The following ARHGEF28 variants were observed in gnomAD, a reference collection of about 807,000 sequenced individuals.
ARHGEF28 encodes the protein Rho guanine nucleotide exchange factor 28, also known as 190 kDa guanine nucleotide exchange factor.
Under a neutral mutation model 206.6 loss-of-function variants are expected in ARHGEF28, and 152 were observed. The observed-to-expected ratio is 0.74, with a 90% CI of 0.64 to 0.84. The LOEUF is 0.84. ARHGEF28 is among the 40% of genes least tolerant of loss of function. The pLI is 0.00. For missense variants in ARHGEF28, 2,028 were observed against 2,073.2 expected, an observed-to-expected ratio of 0.98 and a Z score of 0.42; for synonymous variants, 763 against 776.4, an observed-to-expected ratio of 0.98 and a Z score of 0.29.
chr5:73,745,445 G>A (rs1751672083), intron 2 of ARHGEF28, among the ~76,000 whole-genome samples: 1 of 152,020 alleles, frequency 6.6e-6, no homozygotes, highest in African/African-American at 2.4e-5. Flanking sequence ...TACCTTTTTG[G>A]TTCTCTGGGA....
At chr5:73,872,164 T>C (rs1377020491) in intron 21 of ARHGEF28, among the ~76,000 whole-genome samples, 1 of 152,190 alleles carries the variant, frequency 6.6e-6, no homozygotes, top group African/African-American at 2.4e-5. Flanking sequence ...TTGTTGCTTT[T>C]TTATTATAAC....
At chr5:73,650,377 T>A in intron 1 of ARHGEF28, among the ~76,000 whole-genome samples, 1 of 150,642 alleles carries the variant, frequency 6.6e-6, no homozygotes, top group East Asian at 2.0e-4. Flanking sequence ...TTCCGCCTCT[T>A]GGGTTCAAGT....
At chr5:73,747,484 G>T (rs68038812) in intron 2 of ARHGEF28, among the ~76,000 whole-genome samples, 1 of 151,908 alleles carries the variant, frequency 6.6e-6, no homozygotes, top group Non-Finnish European at 1.5e-5. Context: ...ATCTAAATCC[G>T]TCTCCTTTGA....
At chr5:73,697,423 A>G (rs1022485185) in intron 2 of ARHGEF28, among the ~76,000 whole-genome samples, 2 of 152,232 alleles carry the variant, frequency 1.3e-5, no homozygotes, top group Non-Finnish European at 2.9e-5. Flanking sequence ...CAAAATGTAT[A>G]TCTTATAGAA....
intron 35 of ARHGEF28, among the ~76,000 whole-genome samples, chr5:73,918,326 T>C (rs919079172): frequency 1.2e-4 from 19 of 152,218 alleles, no homozygotes; most frequent in African/African-American, 4.6e-4. Flanking sequence ...CCAGTGAACT[T>C]TCTAAAAACA....
chr5:73,684,971 T>A (rs914686141), intron 2 of ARHGEF28, 87 bp downstream of exon 2: 31 of 1,430,202 alleles, frequency 2.2e-5, no homozygotes, highest in African/African-American at 4.2e-5. Flanking sequence ...AATGTTTTTC[T>A]TGCTATTGAG....
At chr5:73,871,285 A>T (rs1760089793) in intron 21 of ARHGEF28, among the ~76,000 whole-genome samples, 1 of 152,220 alleles carries the variant, frequency 6.6e-6, no homozygotes, top group Non-Finnish European at 1.5e-5. Context: ...AAGGAAAATC[A>T]TTCCTATTTT....
chr5:73,718,358 T>C (rs1749716027), intron 2 of ARHGEF28, among the ~76,000 whole-genome samples: 1 of 152,218 alleles, frequency 6.6e-6, no homozygotes, highest in Admixed American at 6.5e-5. Flanking sequence ...TCTGATGCAA[T>C]GATCTAAATA....
At chr5:73,733,493 G>A (rs749624241) in intron 2 of ARHGEF28, among the ~76,000 whole-genome samples, 4 of 152,088 alleles carry the variant, frequency 2.6e-5, no homozygotes, top group Non-Finnish European at 5.9e-5. Context: ...ATGCTCTCTG[G>A]CCTTCATTAT....
chr5:73,741,986 GA>G (rs1384250423), intron 2 of ARHGEF28, among the ~76,000 whole-genome samples: 2 of 152,054 alleles, frequency 1.3e-5, no homozygotes, highest in Admixed American at 6.6e-5. Context: ...TATATCTTTT[GA>G]AGATGTGTTA....
chr5:73,887,699 A>T lies in ARHGEF28; in HGVS notation c.3387+20A>T. 6.6e-7 allele frequency: 1 copy of T among 1,522,922 alleles called. No homozygotes were observed. Among genetic ancestry groups the T allele is most frequent in the Non-Finnish European group, 8.8e-7 (1 of 1,136,078 alleles). 94.3% of individuals were successfully genotyped at this position (1,522,922 alleles called of 1,614,324 possible). ...GCCGTTGTAAGTATATGACTGTGTG[A>T]TGTATTTAAAAAATAGGTTTAACCA... On this transcript the variant is annotated intron_variant, in intron 26 of 35. Transcript: ENST00000513042.
intron 35 of ARHGEF28, among the ~76,000 whole-genome samples, chr5:73,933,485 T>G (rs1196060455): frequency 6.6e-6 from 1 of 152,222 alleles, no homozygotes; most frequent in Non-Finnish European, 1.5e-5. Flanking sequence ...ATAGTTGGCA[T>G]CCAGAAGAGG....
At chr5:73,920,161 C>G (rs1561196003) in intron 35 of ARHGEF28, among the ~76,000 whole-genome samples, 1 of 152,188 alleles carries the variant, frequency 6.6e-6, no homozygotes, top group African/African-American at 2.4e-5. Context: ...GTGGTTATCA[C>G]AGGCAGGATA....
intron 2 of ARHGEF28, among the ~76,000 whole-genome samples, chr5:73,743,455 TG>T (rs1751549901): frequency 2.0e-5 from 3 of 152,204 alleles, no homozygotes; most frequent in Admixed American, 6.5e-5. Flanking sequence ...TATCTGGAGA[TG>T]GACACCTACT....
chr5:73,861,182 G>A (rs1265432983), intron 16 of ARHGEF28, among the ~76,000 whole-genome samples: 1 of 151,804 alleles, frequency 6.6e-6, no homozygotes, highest in East Asian at 1.9e-4. Context: ...CACTCATGCA[G>A]AGCTGGCGAC....
chr5:73,860,244 C>T (rs144737557), intron 16 of ARHGEF28, among the ~76,000 whole-genome samples: 6 of 152,220 alleles, frequency 3.9e-5, no homozygotes, highest in Non-Finnish European at 7.4e-5. Context: ...TATTTAGACC[C>T]GTTACTCCTG....
chr5:73,867,797 C>G, intron 18 of ARHGEF28, 79 bp from the exon 19 acceptor site: 1 of 1,581,004 alleles, frequency 6.3e-7, no homozygotes, highest in Non-Finnish European at 8.6e-7. Flanking sequence ...CAGGGTTTAG[C>G]TTTCTGGCTT....
intron 9 of ARHGEF28, among the ~76,000 whole-genome samples, chr5:73,809,408 G>C (rs1215778276): frequency 6.6e-6 from 1 of 152,036 alleles, no homozygotes; most frequent in Non-Finnish European, 1.5e-5. Flanking sequence ...GACAACTAAG[G>C]CTCAGAAAAT....
intron 4 of ARHGEF28, among the ~76,000 whole-genome samples, chr5:73,769,354 T>G (rs1457982184): frequency 1.3e-5 from 2 of 152,198 alleles, no homozygotes; most frequent in African/African-American, 2.4e-5. Context: ...CTGACTTTTA[T>G]AGTAGCCATT....
Sources: gnomAD v4.1 joint callset for allele counts (sites outside exome capture counted in the v4.1 genomes callset) on GRCh38, gnomAD v4.1.1 for gene constraint, MANE v1.5 for transcripts, NCBI Gene and HGNC (gene_info 2026-07-23, HGNC 2026-07-21) for gene names.